Variants in LINGO2 observed in about 807,000 individuals in gnomAD.
The protein encoded by LINGO2 is leucine-rich repeat and immunoglobulin-like domain-containing nogo receptor-interacting protein 2.
Under a neutral mutation model 30.6 loss-of-function variants are expected in LINGO2, and 14 were observed. The observed-to-expected ratio is 0.46, with a 90% CI of 0.30 to 0.72. LINGO2 has a LOEUF of 0.72. Ranked by LOEUF, LINGO2 falls within the 30% of genes least tolerant of loss-of-function variation. LINGO2 has a pLI of 0.07. For synonymous variants in LINGO2, 317 were observed against 288.5 expected (o/e 1.10, Z -1.00); for missense variants, 729 against 751.7 (o/e 0.97, Z 0.35).
chr9:28,177,238 T>A (rs1384190504), intron 4 of LINGO2, among the ~76,000 whole-genome samples: 1 of 152,132 alleles, frequency 6.6e-6, no homozygotes, highest in Non-Finnish European at 1.5e-5. Flanking sequence ...TTTGAGTAAA[T>A]GTATGAATAG....
At chr9:28,045,430 A>G (rs1824376297) in intron 4 of LINGO2, among the ~76,000 whole-genome samples, 1 of 152,168 alleles carries the variant, frequency 6.6e-6, no homozygotes, top group African/African-American at 2.4e-5. Flanking sequence ...TTATAAAGCT[A>G]TATTCTCTTT....
intron 2 of LINGO2, among the ~76,000 whole-genome samples, chr9:28,445,187 T>C (rs1824373608): frequency 6.6e-6 from 1 of 152,236 alleles, no homozygotes; most frequent in African/African-American, 2.4e-5. Context: ...TCCTTTATTT[T>C]CAGAAGTTAT....
chr9:29,095,376 T>C, the LINGO2 span, among the ~76,000 whole-genome samples: 1 of 137,920 alleles, frequency 7.3e-6, no homozygotes, highest in South Asian at 2.3e-4. Flanking sequence ...AATTTAAGTG[T>C]ATTCTGCCTA....
At chr9:28,587,490 A>C (rs1268215272) in intron 1 of LINGO2, among the ~76,000 whole-genome samples, 1 of 151,872 alleles carries the variant, frequency 6.6e-6, no homozygotes, top group East Asian at 1.9e-4. Context: ...AGAATCTCAG[A>C]TAGGCTGGTG....
intron 3 of LINGO2, among the ~76,000 whole-genome samples, chr9:28,317,069 G>T (rs1370098398): frequency 6.6e-6 from 1 of 152,100 alleles, no homozygotes; most frequent in African/African-American, 2.4e-5. Context: ...TAAGTTCTTA[G>T]AAATATATTC....
the LINGO2 span, among the ~76,000 whole-genome samples, chr9:28,740,199 C>T: frequency 6.6e-6 from 1 of 151,110 alleles, no homozygotes; most frequent in Non-Finnish European, 1.5e-5. Context: ...GAAAATGCTT[C>T]ATGTGCTCTC....
chr9:28,027,696 G>A (rs12235674), intron 4 of LINGO2, among the ~76,000 whole-genome samples: 3,960 of 152,204 alleles, frequency 0.026, 79 homozygotes, highest in East Asian at 0.063. Flanking sequence ...CTTTCTGGCA[G>A]GATTAAATGC....
intron 3 of LINGO2, among the ~76,000 whole-genome samples, chr9:28,312,090 C>T (rs1162347450): frequency 6.6e-6 from 1 of 151,678 alleles, no homozygotes; most frequent in Non-Finnish European, 1.5e-5. Context: ...ATTAGCTAAC[C>T]ATTTATTGGT....
At chr9:29,076,693 G>A in the LINGO2 span, among the ~76,000 whole-genome samples, 64,704 of 149,422 alleles carry the variant, frequency 0.43, 14,246 homozygotes, top group East Asian at 0.55. Flanking sequence ...GACACACAAC[G>A]TAAGGGACAG....
At chr9:28,610,036 C>A (rs964680035) in intron 1 of LINGO2, among the ~76,000 whole-genome samples, 3 of 151,978 alleles carry the variant, frequency 2.0e-5, no homozygotes, top group Non-Finnish European at 2.9e-5. Flanking sequence ...TCTGGAAGGA[C>A]ACATACCCAA....
intron 5 of LINGO2, among the ~76,000 whole-genome samples, chr9:27,972,820 A>G (rs1329461063): frequency 2.0e-5 from 3 of 152,192 alleles, no homozygotes; most frequent in Non-Finnish European, 4.4e-5. Context: ...TCAAACTGAC[A>G]TACAAAATTA....
At chr9:28,581,379 T>C (rs1824250669) in intron 1 of LINGO2, among the ~76,000 whole-genome samples, 1 of 151,846 alleles carries the variant, frequency 6.6e-6, no homozygotes, top group Non-Finnish European at 1.5e-5. Flanking sequence ...AATGACTGAC[T>C]GCACTGTTTC....
intron 1 of LINGO2, among the ~76,000 whole-genome samples, chr9:28,483,398 A>G (rs1826051162): frequency 6.6e-6 from 1 of 152,070 alleles, no homozygotes; most frequent in South Asian, 2.1e-4. Flanking sequence ...TATTGGTGTG[A>G]CAGCTAGAGA....
intron 4 of LINGO2, among the ~76,000 whole-genome samples, chr9:28,061,789 G>C (rs978622884): frequency 7.2e-5 from 11 of 152,116 alleles, no homozygotes; most frequent in African/African-American, 1.7e-4. Context: ...TAAGAACTTC[G>C]ACTTGGAAAC....
chr9:28,776,044 A>G, the LINGO2 span, among the ~76,000 whole-genome samples: 4 of 152,206 alleles, frequency 2.6e-5, no homozygotes, highest in Non-Finnish European at 5.9e-5. Flanking sequence ...TGATGGGTTC[A>G]TCAAAGAAAG....
At chr9:28,631,097 C>G (rs965066372) in intron 1 of LINGO2, among the ~76,000 whole-genome samples, 1 of 151,510 alleles carries the variant, frequency 6.6e-6, no homozygotes, top group Non-Finnish European at 1.5e-5. Flanking sequence ...AATGAAATAC[C>G]AGTACTCCAA....
rs139932656 is a variant in LINGO2, at chr9:28,563,395, C to T, written c.-364-87370G>A. 3.3e-4 allele frequency among the ~76,000 whole-genome samples: 50 copies of T among 152,194 alleles called. No homozygotes were observed. In the East Asian group the frequency reaches 9.7e-3, roughly 29 times the overall value. ...GTTTCTGTACTTAGTGACCAGAAGT[C>T]ATACAGCTTTCTATTTACGTCTAAG... On this transcript the variant is annotated intron_variant, in intron 1 of 5. Transcript: ENST00000379992.
chr9:28,032,012 C>G (rs1823700015), intron 4 of LINGO2, among the ~76,000 whole-genome samples: 1 of 147,212 alleles, frequency 6.8e-6, no homozygotes, highest in African/African-American at 2.6e-5. Flanking sequence ...ACCTTTGTTA[C>G]TAGCAGTCTG....
chr9:29,023,606 T>A, the LINGO2 span, among the ~76,000 whole-genome samples: 1 of 152,082 alleles, frequency 6.6e-6, no homozygotes, highest in Non-Finnish European at 1.5e-5. Flanking sequence ...AATATAAAAT[T>A]GTTTTAGGTA....
Sources: allele counts gnomAD v4.1 joint callset (sites outside exome capture counted in the v4.1 genomes callset), GRCh38; gene constraint gnomAD v4.1.1; transcripts MANE v1.5; gene names NCBI Gene and HGNC (gene_info 2026-07-23, HGNC 2026-07-21).